Variants in SLC30A10 observed in about 807,000 individuals in gnomAD.
The protein encoded by SLC30A10 is solute carrier family 30 member 10.
SLC30A10 carries 8 observed loss-of-function variants against 21.7 expected under a neutral mutation model. The ratio of observed to expected loss-of-function variants is 0.37; its 90% confidence interval spans 0.22 to 0.67. The LOEUF is 0.67. Ranked by LOEUF, SLC30A10 falls within the 30% of genes least tolerant of loss-of-function variation. The pLI is 0.58. For missense variants in SLC30A10, 521 were observed against 642.5 expected (o/e 0.81, Z 2.04); for synonymous variants, 272 against 279.4 (o/e 0.97, Z 0.26).
upstream of SLC30A10, among the ~76,000 whole-genome samples, chr1:219,929,539 A>G (rs1181243443): frequency 6.9e-6 from 1 of 144,810 alleles, no homozygotes; most frequent in African/African-American, 2.5e-5. Flanking sequence ...TTTTTTTTTG[A>G]GACAGAGTTT....
chr1:219,943,178 A>T (rs774835837), intron 1 of SLC30A10, among the ~76,000 whole-genome samples: 26 of 152,248 alleles, frequency 1.7e-4, no homozygotes, highest in Non-Finnish European at 3.1e-4. Flanking sequence ...GATACATAAT[A>T]TAAACAAAGT....
At chr1:219,954,967 C>G (rs909439769) in intron 1 of SLC30A10, among the ~76,000 whole-genome samples, 1 of 151,986 alleles carries the variant, frequency 6.6e-6, no homozygotes, top group African/African-American at 2.4e-5. Flanking sequence ...GTTTTAGTAG[C>G]TTGATTCTAA....
intron 1 of SLC30A10, among the ~76,000 whole-genome samples, chr1:219,947,464 T>G (rs917028797): frequency 6.6e-6 from 1 of 151,870 alleles, no homozygotes; most frequent in African/African-American, 2.4e-5. Context: ...GCCTGGGAGG[T>G]TGAGGCTGCT....
At chr1:219,931,219 T>G (rs114702197), upstream of SLC30A10, among the ~76,000 whole-genome samples, 1 of 152,330 alleles carries the variant, frequency 6.6e-6, no homozygotes, top group Non-Finnish European at 1.5e-5. Flanking sequence ...ATTGCCCAAT[T>G]ATTTTCCTAA....
upstream of SLC30A10, among the ~76,000 whole-genome samples, chr1:219,931,003 C>G (rs1558256032): frequency 2.0e-5 from 3 of 152,182 alleles, no homozygotes; most frequent in Non-Finnish European, 4.4e-5. Flanking sequence ...AGTACTGTAG[C>G]CATTGCTGTT....
chr1:219,912,467 T>C lies in SLC30A10; in HGVS notation c.*2982A>G, dbSNP rs1184799158. ...GAAACAGAAGTGCAGTAGGGCCGTG[T>C]AGAAGGCCAGGTGAGCACACAGGAC... is the stretch of plus-strand genomic sequence containing the variant. On this transcript the variant is annotated 3_prime_UTR_variant, in exon 4 of 4. Coordinates refer to ENST00000366926, the MANE Select transcript of SLC30A10 (RefSeq NM_018713.3). 6.6e-6 allele frequency among the ~76,000 whole-genome samples: 1 copy of C among 152,160 alleles called. No homozygotes were observed. The highest frequency in any genetic ancestry group is 2.4e-5 in the African/African-American group (1 of 41,432).
rs1222107302 is a variant in SLC30A10, at chr1:219,949,420, T to C, written n.80+9148A>G. ...GGCACATGTACACCATGGAATACTA[T>C]ACAGCCATAAAAAATGATGAGTTCA... On this transcript the variant is annotated intron_variant and non_coding_transcript_variant, in intron 1 of 8. Coordinates refer to the SLC30A10 transcript ENST00000484239. 2.0e-5 allele frequency among the ~76,000 whole-genome samples: 3 copies of C among 152,306 alleles called. No individual in the cohort carries two copies. In the East Asian group the frequency reaches 5.8e-4, roughly 29 times the overall value.
chr1:219,942,976 C>T (rs1400273534), intron 1 of SLC30A10, among the ~76,000 whole-genome samples: 1 of 152,088 alleles, frequency 6.6e-6, no homozygotes, highest in Admixed American at 6.5e-5. Flanking sequence ...ATCCGGGAGG[C>T]AGAGGTTTCG....
chr1:219,928,651 T>G (rs916987592), upstream of SLC30A10: 1 of 491,340 alleles, frequency 2.0e-6, no homozygotes. The surrounding 1 kb of genome is among the most constrained non-coding windows in gnomAD (Gnocchi z 6.3). Flanking sequence ...GCGGGGGCAG[T>G]ATCTGAACAG....
rs1489662817 is a variant in SLC30A10, at chr1:219,913,737, T to G, written c.*1712A>C. 1 of 152,190 alleles carries G rather than the reference T, an allele frequency of 6.6e-6. No homozygotes were observed. Among genetic ancestry groups the G allele is most frequent in the Non-Finnish European group, 1.5e-5 (1 of 68,032 alleles). The allele number at this position is 152,190 out of a possible 1,614,324, so 9.4% of individuals were successfully genotyped here. ...AAAACATTTTTAGGCATTTTTCTAT[T>G]TACCTACTTCACAGCCAATTTAAAC... On this transcript the variant is annotated 3_prime_UTR_variant, in exon 4 of 4. Coordinates refer to ENST00000366926, the MANE Select transcript of SLC30A10 (RefSeq NM_018713.3).
chr1:219,922,524 G>A (rs1418263282), intron 2 of SLC30A10, among the ~76,000 whole-genome samples: 2 of 152,006 alleles, frequency 1.3e-5, no homozygotes, highest in Non-Finnish European at 2.9e-5. Context: ...GATGGAGGAC[G>A]TGCTCGTGGG....
Position 219,918,514 on chromosome 1 carries a change from C to T in SLC30A10, c.719-20G>A. ...GTACACCTGCCAGGAAGAAAGACTA[C>T]TGCAGCACAGATGCAAATCTGGAAG... On this transcript the variant is annotated intron_variant, in intron 2 of 3. Transcript: ENST00000366926. The surrounding 1 kb of genome is among the most constrained non-coding windows in gnomAD (Gnocchi z 4.4). The T allele has an allele frequency of 6.4e-7, 1 of 1,558,284 alleles. No homozygotes were observed. Among genetic ancestry groups the T allele is most frequent in the South Asian group, 1.2e-5 (1 of 82,158 alleles).
upstream of SLC30A10, chr1:219,928,646 G>T (rs1385561175): frequency 1.8e-5 from 9 of 508,364 alleles, no homozygotes; most frequent in East Asian, 3.2e-4. The surrounding 1 kb of genome is among the most constrained non-coding windows in gnomAD (Gnocchi z 6.3). Context: ...GAGTGGCGGG[G>T]GCAGTATCTG....
chr1:219,939,737 C>T lies in SLC30A10; in HGVS notation n.81-12632G>A, dbSNP rs143364827. On this transcript the variant is annotated intron_variant and non_coding_transcript_variant, in intron 1 of 8. Coordinates refer to the SLC30A10 transcript ENST00000484239. ...GCCACCACACCTGGCCCATTTCTTT[C>T]TTTACTTCACAGATCTCCAAATCAA... 2.4e-3 allele frequency among the ~76,000 whole-genome samples: 365 copies of T among 152,166 alleles called. 2 individuals are homozygous for T. The highest frequency in any genetic ancestry group is 8.5e-3 in the African/African-American group (352 of 41,522).
At chr1:219,926,030 T>A (rs1008872029) in intron 2 of SLC30A10, among the ~76,000 whole-genome samples, 4 of 152,136 alleles carry the variant, frequency 2.6e-5, no homozygotes, top group African/African-American at 9.7e-5. Flanking sequence ...CATTACAGAT[T>A]CTCTTTTAAA....
At chr1:219,927,662 AAAAAAACAACAAC>A in intron 1 of SLC30A10, 126 bp downstream of exon 1, 1 of 551,458 alleles carries the variant, frequency 1.8e-6, no homozygotes. Flanking sequence ...AAAAAAAAAA[AAAAAAACAACAAC>A]AACAAAAAAA....
intron 1 of SLC30A10, among the ~76,000 whole-genome samples, chr1:219,957,267 A>G (rs1660366160): frequency 6.6e-6 from 1 of 152,154 alleles, no homozygotes; most frequent in Non-Finnish European, 1.5e-5. Context: ...CTCTCATAAC[A>G]TATGTTCTAC....
upstream of SLC30A10, among the ~76,000 whole-genome samples, chr1:219,931,328 G>A (rs1659967318): frequency 6.6e-6 from 1 of 152,194 alleles, no homozygotes; most frequent in African/African-American, 2.4e-5. Context: ...AAGTGGCAGA[G>A]GCAGCCTGCC....
At chr1:219,939,255 G>A (rs1156450795) in intron 1 of SLC30A10, among the ~76,000 whole-genome samples, 1 of 152,102 alleles carries the variant, frequency 6.6e-6, no homozygotes, top group African/African-American at 2.4e-5. Context: ...CTGGGATTTG[G>A]AATGCACCTC....
Sources: allele counts gnomAD v4.1 joint callset (sites outside exome capture counted in the v4.1 genomes callset), GRCh38; gene constraint gnomAD v4.1.1; non-coding constraint Gnocchi (gnomAD v3.1); transcripts MANE v1.5; gene names NCBI Gene and HGNC (gene_info 2026-07-23, HGNC 2026-07-21).